The following ENPP1 variants were observed in gnomAD, a reference collection of about 807,000 sequenced individuals.
The protein encoded by ENPP1 is ectonucleotide pyrophosphatase/phosphodiesterase 1.
In ENPP1, 73 loss-of-function variants were observed where a neutral mutation model predicts 122.8. The ratio of observed to expected loss-of-function variants is 0.59; its 90% CI spans 0.49 to 0.72. The LOEUF (loss-of-function observed/expected upper bound fraction) is 0.72. ENPP1 is among the 30% of genes least tolerant of loss of function. The pLI is 0.00. For synonymous variants in ENPP1, 367 were observed against 391.6 expected, an observed-to-expected ratio of 0.94 and a Z score of 0.74; for missense variants, 978 against 1,128.1, an observed-to-expected ratio of 0.87 and a Z score of 1.91.
chr6:131,883,869 T>A, intron 22 of ENPP1, 95 bp downstream of exon 22: 1 of 714,450 alleles, frequency 1.4e-6, no homozygotes, highest in Non-Finnish European at 2.6e-6. Context: ...CTAAATTAAA[T>A]GAATTAATAC....
chr6:131,864,834 A>T (rs1392046529), intron 10 of ENPP1, 32 bp from the exon 11 acceptor site: 1 of 1,403,682 alleles, frequency 7.1e-7, no homozygotes, highest in African/African-American at 1.4e-5. Flanking sequence ...ATGTGTTCGT[A>T]AAATATTACA....
intron 1 of ENPP1, among the ~76,000 whole-genome samples, chr6:131,821,996 C>T (rs1334652189): frequency 6.6e-6 from 1 of 152,100 alleles, no homozygotes; most frequent in African/African-American, 2.4e-5. Flanking sequence ...CTCTGGGATA[C>T]TAGGAAACAG....
chr6:131,880,395 C>T (rs1782288368), intron 20 of ENPP1, among the ~76,000 whole-genome samples: 1 of 151,938 alleles, frequency 6.6e-6, no homozygotes, highest in Non-Finnish European at 1.5e-5. Context: ...AACTCCATCT[C>T]TACTAAAAAT....
intron 7 of ENPP1, 132 bp from the exon 8 acceptor site, chr6:131,860,255 T>G (rs1782000921): frequency 2.7e-6 from 2 of 728,108 alleles, no homozygotes; most frequent in Non-Finnish European, 4.5e-6. Flanking sequence ...GATTTTTTTG[T>G]TTTTCTTTCC....
chr6:131,829,049 C>T (rs1260423791), intron 1 of ENPP1, among the ~76,000 whole-genome samples: 1 of 152,206 alleles, frequency 6.6e-6, no homozygotes, highest in Non-Finnish European at 1.5e-5. Context: ...GTTCTTTCCA[C>T]CCTTTGTTTT....
chr6:131,825,708 T>C (rs1426206330), intron 1 of ENPP1, among the ~76,000 whole-genome samples: 2 of 152,202 alleles, frequency 1.3e-5, no homozygotes, highest in Non-Finnish European at 2.9e-5. Flanking sequence ...AGTTAAGATA[T>C]CAACGTTCTT....
At chr6:131,871,158 G>A (rs1782157556) in intron 13 of ENPP1, among the ~76,000 whole-genome samples, 1 of 151,934 alleles carries the variant, frequency 6.6e-6, no homozygotes, top group South Asian at 2.1e-4. Context: ...CTTATCTTAG[G>A]CCCTCAAGTT....
intron 24 of ENPP1, 74 bp downstream of exon 24, chr6:131,886,798 T>G (rs1025567358): frequency 1.5e-6 from 2 of 1,325,408 alleles, no homozygotes; most frequent in Admixed American, 1.9e-5. Flanking sequence ...GTCACCCATC[T>G]GACATTACAG....
Position 131,875,791 on chromosome 6 carries a change from T to C in ENPP1, c.1651T>C (p.Tyr551His). 1 of 1,614,022 alleles carries C rather than the reference T, an allele frequency of 6.2e-7. No homozygotes were observed. Among genetic ancestry groups the C allele is most frequent in the Non-Finnish European group, 8.5e-7 (1 of 1,179,852 alleles). ...FSNMQALFVG[Y>H]GPGFKHGIEA... ...GGCCATCTAGGCCCTCTTTGTTGGC[T>C]ATGGACCTGGATTCAAGCATGGCAT... is the stretch of plus-strand genomic sequence containing the variant. The change falls in exon 17 of 25, where the codon TAT (tyrosine) becomes CAT (histidine). Residue 551 changes from tyrosine (Y) to histidine (H), a missense_variant. By Grantham distance (83) the Tyr-to-His change is moderately conservative (BLOSUM62 2). This residue lies in a region of ENPP1 where 644 missense variants were observed against 781.5 expected (regional missense o/e 0.82). Coordinates refer to ENST00000647893, the MANE Select transcript of ENPP1 (RefSeq NM_006208.3).
At chr6:131,861,888 G>A (rs1782027644) in intron 9 of ENPP1, among the ~76,000 whole-genome samples, 184 bp downstream of exon 9, 1 of 152,048 alleles carries the variant, frequency 6.6e-6, no homozygotes, top group African/African-American at 2.4e-5. Context: ...TAGACAAGTG[G>A]GCCAGCTGTG....
chr6:131,845,042 GGTTT>G (rs1562517928), intron 1 of ENPP1, among the ~76,000 whole-genome samples: 7 of 119,082 alleles, frequency 5.9e-5, no homozygotes, highest in African/African-American at 2.6e-4. Context: ...AATTCTTCAT[GGTTT>G]TTTTTTTTTT....
At chr6:131,857,277 T>G (rs1339943569) in intron 6 of ENPP1, among the ~76,000 whole-genome samples, 3 of 149,260 alleles carry the variant, frequency 2.0e-5, no homozygotes, top group Non-Finnish European at 4.4e-5. Context: ...AAATACCATT[T>G]GACCCAGCCA....
chr6:131,838,322 T>A (rs1053659552), intron 1 of ENPP1, among the ~76,000 whole-genome samples: 2 of 152,100 alleles, frequency 1.3e-5, no homozygotes, highest in Non-Finnish European at 2.9e-5. Context: ...AGTAGAAATA[T>A]CTTTCAAAAA....
intron 1 of ENPP1, chr6:131,827,014 C>A: frequency 1.9e-6 from 1 of 524,788 alleles, no homozygotes; most frequent in South Asian, 1.8e-5. Flanking sequence ...GATGAATGGT[C>A]CACATCTTTG....
At chr6:131,867,614 G>A (rs540063149) in intron 11 of ENPP1, among the ~76,000 whole-genome samples, 1 of 152,296 alleles carries the variant, frequency 6.6e-6, no homozygotes, top group East Asian at 1.9e-4. Context: ...AAATGAAGTG[G>A]TAATTAAGAA....
At chr6:131,864,440 A>T (rs1222049558) in intron 9 of ENPP1, 66 bp from the exon 10 acceptor site, 2 of 1,082,136 alleles carry the variant, frequency 1.8e-6, no homozygotes, top group Admixed American at 3.5e-5. Flanking sequence ...TTTCAATGAA[A>T]AAAACTATAT....
At chr6:131,872,902 C>T in intron 14 of ENPP1, 21 bp from the exon 15 acceptor site, 1 of 1,612,896 alleles carries the variant, frequency 6.2e-7, no homozygotes, top group East Asian at 2.2e-5. Context: ...AATAGTTTTT[C>T]TTTGCTGTTT....
At chr6:131,879,733 C>A in intron 19 of ENPP1, 147 bp from the exon 20 acceptor site, 1 of 712,394 alleles carries the variant, frequency 1.4e-6, no homozygotes, top group South Asian at 1.8e-5. Context: ...ATTGTTTATG[C>A]TTCTACCCTT....
At chr6:131,887,352 A>G (rs1782394045) in intron 24 of ENPP1, among the ~76,000 whole-genome samples, 1 of 151,318 alleles carries the variant, frequency 6.6e-6, no homozygotes, top group Non-Finnish European at 1.5e-5. Context: ...TTAAAAATCT[A>G]CATTGTAGAT....
Sources: allele counts gnomAD v4.1 joint callset (sites outside exome capture counted in the v4.1 genomes callset), GRCh38; gene constraint gnomAD v4.1.1; regional missense constraint gnomAD v4.1.1; transcripts MANE v1.5; gene names NCBI Gene and HGNC (gene_info 2026-07-23, HGNC 2026-07-21).